GULP1: variants seen among roughly 807,000 people sequenced by gnomAD.
GULP1 encodes PTB domain-containing engulfment adapter protein 1.
A neutral mutation model predicts 40.9 loss-of-function variants in GULP1; 19 were observed. The observed-to-expected ratio is 0.46, with a 90% confidence interval of 0.32 to 0.68. The LOEUF is 0.68. Among genes scored for constraint, GULP1 ranks in the 30% least tolerant of loss-of-function variants. GULP1 has a pLI of 0.03. For synonymous variants in GULP1, 119 were observed against 117.6 expected (o/e 1.01, Z -0.08); for missense variants, 312 against 362.2 (o/e 0.86, Z 1.12).
chr2:188,348,974 CA>C (rs2044079304), intron 1 of GULP1, among the ~76,000 whole-genome samples: 3 of 152,144 alleles, frequency 2.0e-5, no homozygotes, highest in African/African-American at 2.4e-5. Flanking sequence ...TCTGACATAT[CA>C]AAAAATTGAA....
At chr2:188,478,335 A>T (rs767746775) in intron 3 of GULP1, among the ~76,000 whole-genome samples, 9 of 152,116 alleles carry the variant, frequency 5.9e-5, no homozygotes, top group Non-Finnish European at 1.2e-4. Flanking sequence ...TTGACAAACT[A>T]TTTTATGATG....
intron 11 of GULP1, 81 bp downstream of exon 11, chr2:188,588,030 A>G (rs577498940): frequency 2.1e-5 from 17 of 805,420 alleles, no homozygotes; most frequent in African/African-American, 1.9e-4. Flanking sequence ...TACCAAAACT[A>G]TGGTTTCCTT....
In GULP1 at chr2:188,595,614, A is replaced by G. The variant is rs1704304789; in HGVS notation, c.*1603A>G. ...GAAGCCATATAAGTGGCTTTTTTTAACAGATAGAATTTGTATTTTTATTGT... is the reference window on the plus strand; with the variant it reads ...GAAGCCATATAAGTGGCTTTTTTTAGCAGATAGAATTTGTATTTTTATTGT... On this transcript the variant is annotated 3_prime_UTR_variant, in exon 12 of 12. Coordinates refer to ENST00000409830, the MANE Select transcript of GULP1 (RefSeq NM_016315.4). 6.6e-6 allele frequency: 1 copy of G among 152,162 alleles called. No individual in the cohort carries two copies. Among genetic ancestry groups the G allele is most frequent in the Non-Finnish European group, 1.5e-5 (1 of 67,736 alleles). The allele number at this position is 152,162 out of a possible 1,614,324, so 9.4% of individuals were successfully genotyped here.
chr2:188,501,583 A>G (rs2063438288), intron 4 of GULP1, among the ~76,000 whole-genome samples: 1 of 152,038 alleles, frequency 6.6e-6, no homozygotes, highest in East Asian at 1.9e-4. Flanking sequence ...ATAGCATGCC[A>G]CCAGGTATGA....
chr2:188,428,522 A>T (rs1284878282), intron 2 of GULP1, among the ~76,000 whole-genome samples: 1 of 152,038 alleles, frequency 6.6e-6, no homozygotes, highest in Non-Finnish European at 1.5e-5. Context: ...TAATTTTCCT[A>T]GTGCTGTTAT....
chr2:188,569,577 A>T (rs1698589929), intron 8 of GULP1: 5 of 467,740 alleles, frequency 1.1e-5, no homozygotes, highest in Non-Finnish European at 1.5e-5. Context: ...TAGTGTTCTC[A>T]TGTGACTTTG....
chr2:188,493,807 C>T (rs2062636448), intron 4 of GULP1, among the ~76,000 whole-genome samples: 1 of 152,024 alleles, frequency 6.6e-6, no homozygotes, highest in South Asian at 2.1e-4. Flanking sequence ...GTCTCTAGGC[C>T]AACTTGATTC....
In GULP1 at chr2:188,483,491, A is replaced by G; in HGVS notation, c.89A>G (p.Lys30Arg). 7.6e-7 allele frequency: 1 copy of G among 1,308,328 alleles called. No individual in the cohort carries two copies. The highest frequency in any genetic ancestry group is 1.1e-6 in the Non-Finnish European group (1 of 921,452). The allele number at this position is 1,308,328 out of a possible 1,614,324, so 81.0% of individuals were successfully genotyped here. ...AAACATTTCATTCCCTATAATGCAA[A>G]GGTAAAAATAGTTCATTTATTATTT... ...LSKHFIPYNAKFLGSTEVEQP... is the reference protein window; with the variant it reads ...LSKHFIPYNARFLGSTEVEQP... Residue 30 changes from lysine to arginine, a missense_variant and splice_region_variant, in exon 4 of 12, where the codon AAG becomes AGG. By Grantham distance (26) the Lys-to-Arg change is conservative. Coordinates refer to ENST00000409830, the MANE Select transcript of GULP1 (RefSeq NM_016315.4).
chr2:188,297,951 G>C (rs1432065429), intron 1 of GULP1, among the ~76,000 whole-genome samples: 1 of 152,094 alleles, frequency 6.6e-6, no homozygotes, highest in East Asian at 1.9e-4. Flanking sequence ...ACCATCAAGA[G>C]ATACCATGTT....
chr2:188,587,325 A>T (rs1489821062), intron 10 of GULP1, among the ~76,000 whole-genome samples: 1 of 152,092 alleles, frequency 6.6e-6, no homozygotes, highest in East Asian at 1.9e-4. Context: ...ACTATCTAGA[A>T]AGGTGACATT....
At chr2:188,303,942 A>G (rs1434747059) in intron 1 of GULP1, among the ~76,000 whole-genome samples, 3 of 152,290 alleles carry the variant, frequency 2.0e-5, no homozygotes, top group Non-Finnish European at 1.5e-5. Flanking sequence ...TCTTTTGGAA[A>G]TGATTGTTTA....
chr2:188,422,284 A>G (rs1196787325), intron 2 of GULP1, among the ~76,000 whole-genome samples: 1 of 151,716 alleles, frequency 6.6e-6, no homozygotes. Context: ...GAATTATTAT[A>G]TCACTGGTCC....
intron 3 of GULP1, among the ~76,000 whole-genome samples, chr2:188,481,998 C>A (rs1157307135): frequency 6.6e-6 from 1 of 151,606 alleles, no homozygotes; most frequent in Non-Finnish European, 1.5e-5. Flanking sequence ...ATAGAAAATA[C>A]AAATTTCACA....
At chr2:188,383,180 CTGT>C (rs2049231313) in intron 1 of GULP1, among the ~76,000 whole-genome samples, 1 of 152,130 alleles carries the variant, frequency 6.6e-6, no homozygotes, top group African/African-American at 2.4e-5. Flanking sequence ...ATAATTTGTG[CTGT>C]TGTGTCTACC....
chr2:188,477,952 A>G (rs1034346398), intron 3 of GULP1, among the ~76,000 whole-genome samples: 2 of 152,164 alleles, frequency 1.3e-5, no homozygotes, highest in African/African-American at 4.8e-5. Flanking sequence ...CACAATACAT[A>G]TGTGATAATA....
chr2:188,448,224 TTAA>T (rs1225486779), intron 2 of GULP1, among the ~76,000 whole-genome samples: 3 of 152,208 alleles, frequency 2.0e-5, no homozygotes, highest in Non-Finnish European at 2.9e-5. Flanking sequence ...AGCAGAGTTG[TTAA>T]TAATATCTAG....
chr2:188,459,279 C>T (rs916817053), intron 2 of GULP1, among the ~76,000 whole-genome samples: 16 of 152,102 alleles, frequency 1.1e-4, no homozygotes, highest in African/African-American at 3.9e-4. Flanking sequence ...AAACTGTTCT[C>T]CATAGTGGTT....
intron 2 of GULP1, among the ~76,000 whole-genome samples, chr2:188,467,488 A>AT (rs2060222362): frequency 6.6e-6 from 1 of 151,970 alleles, no homozygotes; most frequent in East Asian, 1.9e-4. Flanking sequence ...TTTATTTAAT[A>AT]TATCTTGGTA....
intron 1 of GULP1, among the ~76,000 whole-genome samples, chr2:188,317,730 A>G (rs922598378): frequency 2.0e-5 from 3 of 151,896 alleles, no homozygotes; most frequent in East Asian, 3.9e-4. Flanking sequence ...ATACTTAATC[A>G]TGACTATATA....
Sources: allele counts gnomAD v4.1 joint callset (sites outside exome capture counted in the v4.1 genomes callset), GRCh38; gene constraint gnomAD v4.1.1; transcripts MANE v1.5; gene names NCBI Gene and HGNC (gene_info 2026-07-23, HGNC 2026-07-21).